DCAF6: variants seen among roughly 807,000 people sequenced by gnomAD.
DCAF6 encodes DDB1 and CUL4 associated factor 6.
Under a neutral mutation model 125.1 loss-of-function variants are expected in DCAF6, and 54 were observed. The observed-to-expected ratio is 0.43, with a 90% CI of 0.35 to 0.54. The LOEUF is 0.54. DCAF6 is among the 20% of genes least tolerant of loss of function. The pLI, the probability that DCAF6 is intolerant of heterozygous loss-of-function variation, is 0.01. For missense variants in DCAF6, 934 were observed against 1,161.7 expected, an observed-to-expected ratio of 0.80 and a Z score of 2.85; for synonymous variants, 371 against 390.4, an observed-to-expected ratio of 0.95 and a Z score of 0.58.
At chr1:167,934,294 C>A (rs928005797), upstream of DCAF6, among the ~76,000 whole-genome samples, 12 of 152,130 alleles carry the variant, frequency 7.9e-5, no homozygotes, top group African/African-American at 2.9e-4. Context: ...CTCTGTCATG[C>A]CCTTATCCTA....
chr1:167,940,786 A>G (rs1329844429), intron 1 of DCAF6, among the ~76,000 whole-genome samples: 1 of 151,556 alleles, frequency 6.6e-6, no homozygotes, highest in Non-Finnish European at 1.5e-5. Context: ...ACCCTTCTAA[A>G]TTAAAAGATA....
At chr1:168,024,457 A>C (rs1686075998) in intron 12 of DCAF6, among the ~76,000 whole-genome samples, 1 of 152,206 alleles carries the variant, frequency 6.6e-6, no homozygotes, top group Non-Finnish European at 1.5e-5. Flanking sequence ...AGAAATATTC[A>C]GAAACTAATT....
At chr1:168,070,638 T>G (rs982853610) in intron 21 of DCAF6, among the ~76,000 whole-genome samples, 4 of 152,194 alleles carry the variant, frequency 2.6e-5, no homozygotes, top group African/African-American at 9.7e-5. Flanking sequence ...GGATAGAGAT[T>G]AAGCGTCTAC....
chr1:167,874,213 C>T, the DCAF6 span, among the ~76,000 whole-genome samples: 1 of 152,126 alleles, frequency 6.6e-6, no homozygotes, highest in Non-Finnish European at 1.5e-5. Context: ...CACCTGTAAT[C>T]CCAGCTACTC....
chr1:167,943,604 T>G (rs1270747792), intron 1 of DCAF6, among the ~76,000 whole-genome samples: 2 of 152,234 alleles, frequency 1.3e-5, no homozygotes, highest in Non-Finnish European at 2.9e-5. Flanking sequence ...TGAGGGCTTT[T>G]AAGGTATCCA....
At chr1:167,888,290 T>G in the DCAF6 span, among the ~76,000 whole-genome samples, 1 of 150,932 alleles carries the variant, frequency 6.6e-6, no homozygotes. Flanking sequence ...AATTTTAGAA[T>G]TTTTTTTTTC....
At chr1:167,920,136 A>G in the DCAF6 span, 8 of 1,214,146 alleles carry the variant, frequency 6.6e-6, no homozygotes, top group Non-Finnish European at 8.4e-6. Flanking sequence ...TACTGCTTCA[A>G]TAACTTCAGT....
chr1:167,865,829 C>A, the DCAF6 span, among the ~76,000 whole-genome samples: 1 of 152,174 alleles, frequency 6.6e-6, no homozygotes, highest in East Asian at 1.9e-4. Context: ...CCTCATTGTC[C>A]CCCTTCCACT....
At chr1:167,932,101 GC>G (rs1324349826), upstream of DCAF6, among the ~76,000 whole-genome samples, 3 of 152,146 alleles carry the variant, frequency 2.0e-5, no homozygotes, top group Non-Finnish European at 4.4e-5. Flanking sequence ...TAAAAGGAGA[GC>G]TATAATGCGT....
intron 3 of DCAF6, among the ~76,000 whole-genome samples, chr1:167,969,050 GT>G (rs899562502): frequency 6.6e-6 from 1 of 150,606 alleles, no homozygotes; most frequent in Non-Finnish European, 1.5e-5. Flanking sequence ...TTATATGTTG[GT>G]TTTTTTTTAC....
intron 7 of DCAF6, 34 bp downstream of exon 7, chr1:167,993,474 G>A: frequency 6.3e-7 from 1 of 1,585,406 alleles, no homozygotes; most frequent in Admixed American, 1.7e-5. Flanking sequence ...CTTTGGCCGG[G>A]CGCGGTGGCT....
chr1:167,951,141 T>C (rs1431084024), intron 1 of DCAF6, among the ~76,000 whole-genome samples: 1 of 152,230 alleles, frequency 6.6e-6, no homozygotes, highest in Non-Finnish European at 1.5e-5. Flanking sequence ...CAGAAATCTT[T>C]TTGTTTTATT....
intron 3 of DCAF6, among the ~76,000 whole-genome samples, chr1:167,972,752 G>A (rs953753799): frequency 2.6e-5 from 4 of 152,194 alleles, no homozygotes; most frequent in Non-Finnish European, 5.9e-5. Flanking sequence ...GGTGGATACT[G>A]ATGCCATTGA....
At position 167,986,987 on chromosome 1, in the gene DCAF6, T is replaced by C. The variant is rs76869885; in HGVS notation, c.439-508T>C. 1.6e-3 allele frequency among the ~76,000 whole-genome samples: 238 copies of C among 152,342 alleles called. 4 individuals carry two copies. The East Asian group carries it at 0.042, about 27-fold the overall frequency. On this transcript the variant is annotated intron_variant, in intron 4 of 21. Coordinates refer to ENST00000367840, the MANE Select transcript of DCAF6 (RefSeq NM_001198956.2). ...ACTATTGTTTTGAGAGTACATTTCG[T>C]TGACATTAAGTATATTCATGTTGTA...
At chr1:168,015,534 A>G (rs184696310) in intron 10 of DCAF6, among the ~76,000 whole-genome samples, 1 of 152,180 alleles carries the variant, frequency 6.6e-6, no homozygotes. Flanking sequence ...ATTTGGTTTA[A>G]TTACTTAAAT....
intron 21 of DCAF6, among the ~76,000 whole-genome samples, chr1:168,073,569 C>G (rs1693404184): frequency 6.6e-6 from 1 of 152,086 alleles, no homozygotes. Flanking sequence ...CTGCAAACTC[C>G]CTGATTTAAA....
chr1:167,939,786 A>C (rs1482714626), intron 1 of DCAF6, among the ~76,000 whole-genome samples: 1 of 152,008 alleles, frequency 6.6e-6, no homozygotes, highest in Non-Finnish European at 1.5e-5. Context: ...TAAATAAATA[A>C]AGTATGGTAC....
chr1:167,936,944 G>A lies in DCAF6; in HGVS notation c.33G>A (p.Leu11=). Residue 11 remains leucine, a synonymous_variant, in exon 1 of 22, where the codon TTG becomes TTA. Transcript: ENST00000367840. MSRGGSYPHL[L]WDVRKRSLGL... ...GGGGTGGCTCCTACCCACACCTGTT[G>A]TGGGACGTGAGGAAAAGGTCCCTCG... The A allele has an allele frequency of 1.2e-6, 2 of 1,609,972 alleles. No homozygotes were observed. The highest frequency in any genetic ancestry group is 1.7e-6 in the Non-Finnish European group (2 of 1,178,772).
In DCAF6 at chr1:168,015,866, A is replaced by G; in HGVS notation, c.1464A>G (p.Gln488=). The change falls in exon 11 of 22, where the codon CAA becomes CAG. Residue 488 remains glutamine (Q), a synonymous_variant. Transcript: ENST00000367840. ...RLKKAEQQRQ[Q]ELAAHTQQQP... ...AGAAGGCTGAGCAGCAGAGGCAGCA[A>G]GAGCTAGCTGCACATACCCAGCAAC... The G allele has an allele frequency of 6.5e-7, 1 of 1,543,236 alleles. No individual in the cohort carries two copies. Among genetic ancestry groups the G allele is most frequent in the South Asian group, 1.2e-5 (1 of 82,814 alleles).
Sources: allele counts gnomAD v4.1 joint callset (sites outside exome capture counted in the v4.1 genomes callset), GRCh38; gene constraint gnomAD v4.1.1; transcripts MANE v1.5; gene names NCBI Gene and HGNC (gene_info 2026-07-23, HGNC 2026-07-21).